PPP1R12A: variants seen among roughly 807,000 people sequenced by gnomAD.
PPP1R12A encodes the protein protein phosphatase 1 regulatory subunit 12A.
A neutral mutation model predicts 139.6 loss-of-function variants in PPP1R12A; 19 were observed. That is an observed-to-expected ratio of 0.14 (90% CI 0.09 to 0.20). The LOEUF (loss-of-function observed/expected upper bound fraction) is 0.20. PPP1R12A is among the 10% of genes least tolerant of loss of function. The probability of loss-of-function intolerance (pLI) is 1.00; values close to 1 mark genes in which losing one functional copy is unlikely to be tolerated. For synonymous variants in PPP1R12A, 427 were observed against 420.6 expected (o/e 1.02, Z -0.19); for missense variants, 925 against 1,211.5 (o/e 0.76, Z 3.51).
At chr12:79,778,026 CAATT>C (rs749249105) in intron 24 of PPP1R12A, among the ~76,000 whole-genome samples, 25 of 152,192 alleles carry the variant, frequency 1.6e-4, no homozygotes, top group Non-Finnish European at 3.5e-4. Context: ...AAGAGGTAAT[CAATT>C]AACTATGCTA....
Position 79,907,020 on chromosome 12 carries a change from T to C in PPP1R12A, c.237+27675A>G, listed in dbSNP as rs78025784. On this transcript the variant is annotated intron_variant, in intron 1 of 24. Transcript: ENST00000450142. The stretch of plus-strand genomic sequence containing the variant: ...ATCTCAGTAAATCTCTTTACATCCA[T>C]GCATAAATTTTTTAATGTACTTCAT... 5.4e-4 allele frequency among the ~76,000 whole-genome samples: 82 copies of C among 152,208 alleles called. No homozygotes were observed. In the East Asian group the frequency reaches 0.014, roughly 27 times the overall value.
chr12:79,860,095 T>G (rs1881151384), intron 2 of PPP1R12A, among the ~76,000 whole-genome samples: 1 of 152,162 alleles, frequency 6.6e-6, no homozygotes, highest in Admixed American at 6.5e-5. Flanking sequence ...CCCTCTTAGA[T>G]TGGAAAACTG....
intron 17 of PPP1R12A, 81 bp from the exon 18 acceptor site, chr12:79,795,840 A>C (rs1018121569): frequency 7.0e-7 from 1 of 1,430,012 alleles, no homozygotes; most frequent in African/African-American, 1.4e-5. Context: ...ACAATGGGTA[A>C]AATGGGCCAG....
At chr12:79,848,733 G>A (rs1039606860) in intron 2 of PPP1R12A, 1 of 152,024 alleles carries the variant, frequency 6.6e-6, no homozygotes, top group African/African-American at 2.4e-5. Context: ...AAATGTAAAT[G>A]TTACAAAGGC....
intron 15 of PPP1R12A, among the ~76,000 whole-genome samples, chr12:79,798,252 G>A (rs989684084): frequency 3.3e-5 from 5 of 152,090 alleles, no homozygotes; most frequent in Non-Finnish European, 7.4e-5. Flanking sequence ...TACAATAGTA[G>A]CAGTGTAACC....
At chr12:79,782,125 G>T (rs1870528995) in intron 22 of PPP1R12A, 3 of 267,340 alleles carry the variant, frequency 1.1e-5, no homozygotes, top group Non-Finnish European at 1.4e-5. Flanking sequence ...AGTTGGGCGT[G>T]AGGGTGAGTG....
At chr12:79,809,626 C>T (rs1874285278) in intron 10 of PPP1R12A, among the ~76,000 whole-genome samples, 169 bp downstream of exon 10, 1 of 152,046 alleles carries the variant, frequency 6.6e-6, no homozygotes, top group South Asian at 2.1e-4. Flanking sequence ...TCTGATCTTT[C>T]CAGTATTTAT....
At chr12:79,926,935 GC>G (rs1565820906) in intron 1 of PPP1R12A, among the ~76,000 whole-genome samples, 1 of 152,106 alleles carries the variant, frequency 6.6e-6, no homozygotes, top group African/African-American at 2.4e-5. Context: ...AGTGGCTCAC[GC>G]CTGTAATCCC....
chr12:79,935,390 C>T (rs542719367), upstream of PPP1R12A: 70 of 993,612 alleles, frequency 7.0e-5, no homozygotes, highest in African/African-American at 1.1e-3. Context: ...GTTGTCCTGT[C>T]GGGCTGGGGG....
At chr12:79,866,419 C>A (rs1363349374) in intron 2 of PPP1R12A, among the ~76,000 whole-genome samples, 1 of 152,150 alleles carries the variant, frequency 6.6e-6, no homozygotes, top group African/African-American at 2.4e-5. Context: ...TGGGCAAAGA[C>A]TTCATGACTA....
rs1309664584 is a variant in PPP1R12A, at chr12:79,778,209, TAAAG to T, written c.3006+337_3006+340del. The T allele has an allele frequency of 7.0e-5, 11 of 157,126 alleles. No homozygotes were observed. The South Asian group carries it at 2.0e-3, about 28-fold the overall frequency. 9.7% of individuals were successfully genotyped at this position (157,126 alleles called of 1,614,324 possible). On this transcript the variant is annotated intron_variant, in intron 24 of 24. Transcript: ENST00000450142. ...AAAAACATGAAAGTATATAGAAACA[TAAAG>T]AATAAATAATAAATCCTACATCTTA...
At chr12:79,782,137 G>A (rs1870531163) in intron 22 of PPP1R12A, 2 of 241,836 alleles carry the variant, frequency 8.3e-6, no homozygotes, top group Admixed American at 5.4e-5. Flanking sequence ...GGGTGAGTGA[G>A]TATGTGGAAG....
intron 2 of PPP1R12A, among the ~76,000 whole-genome samples, chr12:79,854,600 T>A (rs1049054551): frequency 6.6e-5 from 10 of 152,190 alleles, no homozygotes; most frequent in Non-Finnish European, 1.3e-4. Context: ...GTTCAAACCC[T>A]AACTCTGACA....
intron 1 of PPP1R12A, among the ~76,000 whole-genome samples, chr12:79,932,481 A>G (rs974450430): frequency 2.0e-5 from 3 of 152,232 alleles, no homozygotes; most frequent in Non-Finnish European, 4.4e-5. Context: ...GATTTAAGGC[A>G]TTTGCAGATA....
chr12:79,808,958 A>G (rs186555537), intron 10 of PPP1R12A, among the ~76,000 whole-genome samples: 1 of 152,286 alleles, frequency 6.6e-6, no homozygotes, highest in East Asian at 1.9e-4. Context: ...TTTATATTAT[A>G]TAAGCTATTT....
In PPP1R12A at chr12:79,806,112, T is replaced by A. The variant is rs1279336408; in HGVS notation, c.1823+54A>T. On this transcript the variant is annotated intron_variant, in intron 13 of 24. Transcript: ENST00000450142. ...CCACAATCTTCTAAACAAAAACGCATGCACATACATAAGCACACAGTAGAC... is the reference window on the plus strand; with the variant it reads ...CCACAATCTTCTAAACAAAAACGCAAGCACATACATAAGCACACAGTAGAC... 3.3e-6 allele frequency: 5 copies of A among 1,535,974 alleles called. No homozygotes were observed. In the Admixed American group the frequency reaches 6.0e-5, roughly 19 times the overall value.
At chr12:79,906,678 A>T (rs1886151879) in intron 1 of PPP1R12A, among the ~76,000 whole-genome samples, 1 of 151,998 alleles carries the variant, frequency 6.6e-6, no homozygotes, top group Admixed American at 6.6e-5. Context: ...TCTGTTGTCC[A>T]GGCTGGACAG....
intron 2 of PPP1R12A, among the ~76,000 whole-genome samples, chr12:79,856,359 G>A (rs1379252782): frequency 6.6e-6 from 1 of 152,146 alleles, no homozygotes; most frequent in Non-Finnish European, 1.5e-5. Context: ...TATTTGCTTG[G>A]TTAACCAAAT....
intron 1 of PPP1R12A, among the ~76,000 whole-genome samples, chr12:79,884,445 A>AAT (rs1883921845): frequency 1.3e-5 from 2 of 152,278 alleles, no homozygotes; most frequent in South Asian, 4.1e-4. Flanking sequence ...ATTGCCGCAA[A>AAT]ATATATATCA....
Sources: gnomAD v4.1 joint callset for allele counts (sites outside exome capture counted in the v4.1 genomes callset) on GRCh38, gnomAD v4.1.1 for gene constraint, MANE v1.5 for transcripts, NCBI Gene and HGNC (gene_info 2026-07-23, HGNC 2026-07-21) for gene names.